Variants in FAM162A observed in about 807,000 individuals in gnomAD.
FAM162A encodes family with sequence similarity 162 member A.
Under a neutral mutation model 21.8 loss-of-function variants are expected in FAM162A, and 23 were observed. The ratio of observed to expected loss-of-function variants is 1.05; its 90% CI spans 0.76 to 1.49. The LOEUF (loss-of-function observed/expected upper bound fraction) is 1.49. Ranked by LOEUF, FAM162A falls within the 40% of genes most tolerant of loss-of-function variation. The pLI is 0.00. For missense variants in FAM162A, 165 were observed against 186.4 expected (o/e 0.89, Z 0.67); for synonymous variants, 53 against 61.3 (o/e 0.86, Z 0.64).
intron 3 of FAM162A, among the ~76,000 whole-genome samples, chr3:122,406,048 C>G (rs992922507): frequency 6.6e-6 from 1 of 152,180 alleles, no homozygotes; most frequent in African/African-American, 2.4e-5. Context: ...CCTGCAACAT[C>G]CCAGACTCTT....
At chr3:122,390,813 A>G (rs1260386929) in intron 1 of FAM162A, among the ~76,000 whole-genome samples, 1 of 152,166 alleles carries the variant, frequency 6.6e-6, no homozygotes. Flanking sequence ...TAAAAAAGTT[A>G]AGAACCTTTA....
intron 2 of FAM162A, among the ~76,000 whole-genome samples, 178 bp downstream of exon 2, chr3:122,403,060 C>T (rs564179141): frequency 1.3e-5 from 2 of 152,332 alleles, no homozygotes; most frequent in Admixed American, 1.3e-4. Context: ...CATGGGAGGC[C>T]TGAGGGAGGC....
chr3:122,397,112 A>G (rs1193971185), intron 1 of FAM162A, among the ~76,000 whole-genome samples: 1 of 152,238 alleles, frequency 6.6e-6, no homozygotes, highest in Non-Finnish European at 1.5e-5. Context: ...TTATGTATCA[A>G]TAAAAGTATT....
intron 4 of FAM162A, 177 bp downstream of exon 4, chr3:122,407,566 T>C (rs2075682729): frequency 2.0e-6 from 1 of 510,820 alleles, no homozygotes; most frequent in Admixed American, 3.2e-5. Context: ...ATATCATCCT[T>C]GGGGATAGAT....
intron 3 of FAM162A, 35 bp from the exon 4 acceptor site, chr3:122,407,246 A>T: frequency 6.3e-7 from 1 of 1,578,928 alleles, no homozygotes; most frequent in South Asian, 1.1e-5. Context: ...GGGAAAAGTT[A>T]ATAACTTTCT....
At chr3:122,399,886 C>G (rs1419183670) in intron 1 of FAM162A, among the ~76,000 whole-genome samples, 1 of 152,092 alleles carries the variant, frequency 6.6e-6, no homozygotes, top group Non-Finnish European at 1.5e-5. Flanking sequence ...GTCGGATCAC[C>G]TGAGGTCAGG....
Position 122,411,328 on chromosome 3 carries a change from A to G in FAM162A, c.*1497A>G, listed in dbSNP as rs2075704128. On this transcript the variant is annotated 3_prime_UTR_variant, in exon 5 of 5. Transcript: ENST00000477892. ...GGCCTTAGCTTCTTTGTAGGTATCA[A>G]GTTATCACTTGCAAATTTATTTTCA... The G allele has an allele frequency of 6.6e-6, 1 of 152,220 alleles. No individual in the cohort carries two copies. Among genetic ancestry groups the G allele is most frequent in the Non-Finnish European group, 1.5e-5 (1 of 68,048 alleles). The allele number at this position is 152,220 out of a possible 1,614,324, so 9.4% of individuals were successfully genotyped here. A position where few individuals can be genotyped will look rare whatever the true frequency, so the allele number is the denominator to read the frequency against.
intron 2 of FAM162A, among the ~76,000 whole-genome samples, chr3:122,403,515 T>C (rs1209938524): frequency 6.6e-6 from 1 of 152,206 alleles, no homozygotes; most frequent in Non-Finnish European, 1.5e-5. Context: ...TCACTGGCTC[T>C]CCCTTTGCAC....
Position 122,402,894 on chromosome 3 carries a change from T to C in FAM162A, c.157+12T>C, listed in dbSNP as rs2075659539. ...CGGAGCTCCATCCCGTAAGTTTTTA[T>C]TTTTTCTATTTATGGAGTTGGTAGC... On this transcript the variant is annotated intron_variant, in intron 2 of 4. Transcript: ENST00000477892. 6.3e-7 allele frequency: 1 copy of C among 1,582,238 alleles called. No homozygotes were observed. The highest frequency in any genetic ancestry group is 1.4e-5 in the African/African-American group (1 of 72,850).
rs2075560975 is a variant in FAM162A, at chr3:122,384,213, G to A, written c.-53G>A. 3.2e-6 allele frequency: 5 copies of A among 1,551,632 alleles called. No homozygotes were observed. Among genetic ancestry groups the A allele is most frequent in the Non-Finnish European group, 4.4e-6 (5 of 1,147,800 alleles). ...ACGCTGGGTGACATTGAGCTCACCA[G>A]CGCCACCGTCCCCGGCGAAGTTCTG... On this transcript the variant is annotated 5_prime_UTR_variant, in exon 1 of 5. Coordinates refer to ENST00000477892, the MANE Select transcript of FAM162A (RefSeq NM_014367.4).
chr3:122,404,052 T>C (rs2075665849), intron 2 of FAM162A, among the ~76,000 whole-genome samples: 1 of 152,212 alleles, frequency 6.6e-6, no homozygotes, highest in African/African-American at 2.4e-5. Context: ...GACAAGCTCC[T>C]CACCGTTTCC....
chr3:122,387,955 G>A (rs2075582386), intron 1 of FAM162A, among the ~76,000 whole-genome samples: 1 of 152,082 alleles, frequency 6.6e-6, no homozygotes, highest in African/African-American at 2.4e-5. Flanking sequence ...TATGAGAGAG[G>A]AAAGATTACC....
Position 122,404,359 on chromosome 3 carries a change from G to A in FAM162A, c.259G>A (p.Val87Ile). The A allele has an allele frequency of 1.9e-6, 3 of 1,546,994 alleles. No individual in the cohort carries two copies. Among genetic ancestry groups the A allele is most frequent in the East Asian group, 2.3e-5 (1 of 43,420 alleles). ...FKKEDEIPETVSLEMLDAAKN... is the reference protein window; with the variant it reads ...FKKEDEIPETISLEMLDAAKN... ...AAAGGAAGATGAAATCCCAGAGACTGTCTCGTGAGTGCTGAATTTAGTATT... is the reference window on the plus strand; with the variant it reads ...AAAGGAAGATGAAATCCCAGAGACTATCTCGTGAGTGCTGAATTTAGTATT... Residue 87 changes from valine to isoleucine, a missense_variant, in exon 3 of 5, where the codon GTC becomes ATC. Physicochemically the swap from Val to Ile is conservative, Grantham distance 29. Transcript: ENST00000477892.
At chr3:122,391,302 T>C (rs9882772) in intron 1 of FAM162A, among the ~76,000 whole-genome samples, 56,037 of 152,134 alleles carry the variant, frequency 0.37, 11,546 homozygotes, top group East Asian at 0.65. Context: ...AAGCCACCCT[T>C]CTGCCTCAGC....
intron 4 of FAM162A, among the ~76,000 whole-genome samples, chr3:122,408,177 A>G (rs79431426): frequency 0.019 from 2,931 of 152,256 alleles, 77 homozygotes; most frequent in East Asian, 0.13. Flanking sequence ...AGCTCACTTA[A>G]TCACCCCCAT....
chr3:122,384,306 C>T lies in FAM162A; in HGVS notation c.34+7C>T. On this transcript the variant is annotated splice_region_variant and intron_variant, in intron 1 of 4. Coordinates refer to ENST00000477892, the MANE Select transcript of FAM162A (RefSeq NM_014367.4). ...GGTCTGCGCCTGGCAGCAGGTGAGA[C>T]GCCGGTCGGGATATGGGAGGTAGGG... 2 of 1,574,890 alleles carry T rather than the reference C, an allele frequency of 1.3e-6. No individual in the cohort carries two copies. Among genetic ancestry groups the T allele is most frequent in the Non-Finnish European group, 1.7e-6 (2 of 1,160,388 alleles).
chr3:122,394,939 T>C (rs2075620711), intron 1 of FAM162A, among the ~76,000 whole-genome samples: 1 of 152,100 alleles, frequency 6.6e-6, no homozygotes, highest in Non-Finnish European at 1.5e-5. Context: ...ACTGATCAAG[T>C]GGGATGTATG....
intron 1 of FAM162A, chr3:122,401,659 C>A: frequency 7.2e-6 from 4 of 551,778 alleles, no homozygotes; most frequent in Non-Finnish European, 1.0e-5. Flanking sequence ...AATAGCCATT[C>A]TGGCTGGTTG....
At chr3:122,394,160 A>G (rs1473676036) in intron 1 of FAM162A, among the ~76,000 whole-genome samples, 3 of 152,180 alleles carry the variant, frequency 2.0e-5, no homozygotes, top group Non-Finnish European at 4.4e-5. Flanking sequence ...ATAAGAACTC[A>G]CTATCACGAG....
Sources: gnomAD v4.1 joint callset for allele counts (sites outside exome capture counted in the v4.1 genomes callset) on GRCh38, gnomAD v4.1.1 for gene constraint, MANE v1.5 for transcripts, NCBI Gene and HGNC (gene_info 2026-07-23, HGNC 2026-07-21) for gene names.